COL24A1: variants seen among roughly 807,000 people sequenced by gnomAD.
COL24A1 encodes the protein collagen alpha-1(XXIV) chain.
Under a neutral mutation model 253.9 loss-of-function variants are expected in COL24A1, and 224 were observed. The observed-to-expected ratio is 0.88, with a 90% CI of 0.79 to 0.99. The LOEUF is 0.99. Among genes scored for constraint, COL24A1 ranks in the 50% least tolerant of loss-of-function variants. The pLI is 0.00. For synonymous variants in COL24A1, 685 were observed against 673.7 expected, an observed-to-expected ratio of 1.02 and a Z score of -0.26; for missense variants, 2,131 against 2,068.5, an observed-to-expected ratio of 1.03 and a Z score of -0.59.
chr1:85,971,066 C>T (rs894350756), intron 21 of COL24A1, among the ~76,000 whole-genome samples: 4 of 151,978 alleles, frequency 2.6e-5, no homozygotes, highest in African/African-American at 9.7e-5. Flanking sequence ...CAAAAATTAG[C>T]CAGGCATGGT....
intron 59 of COL24A1, among the ~76,000 whole-genome samples, chr1:85,731,798 A>G (rs1663502578): frequency 6.6e-6 from 1 of 152,224 alleles, no homozygotes; most frequent in African/African-American, 2.4e-5. Context: ...TAAATTCCAC[A>G]TTTCTAACTA....
chr1:86,054,723 A>G (rs1457539682), intron 10 of COL24A1, among the ~76,000 whole-genome samples: 4 of 152,188 alleles, frequency 2.6e-5, no homozygotes, highest in African/African-American at 9.6e-5. Context: ...CCCTGTGGAA[A>G]GAAGTTTGGA....
intron 5 of COL24A1, among the ~76,000 whole-genome samples, chr1:86,110,986 C>T (rs879855098): frequency 6.6e-6 from 1 of 152,236 alleles, no homozygotes; most frequent in African/African-American, 2.4e-5. Flanking sequence ...GCATGACATC[C>T]GCTAGGGGAA....
chr1:85,828,826 T>G (rs1183298500), intron 43 of COL24A1, among the ~76,000 whole-genome samples: 1 of 146,230 alleles, frequency 6.8e-6, no homozygotes, highest in Non-Finnish European at 1.5e-5. Context: ...TCTCTGCACA[T>G]GAGATGGGTT....
At chr1:86,099,088 G>T (rs1012760077) in intron 5 of COL24A1, among the ~76,000 whole-genome samples, 1 of 152,056 alleles carries the variant, frequency 6.6e-6, no homozygotes, top group East Asian at 1.9e-4. Context: ...ATTTTAAAAG[G>T]TTAAATTCCA....
chr1:86,109,787 A>G (rs1160657426), intron 5 of COL24A1, among the ~76,000 whole-genome samples: 2 of 152,192 alleles, frequency 1.3e-5, no homozygotes, highest in Non-Finnish European at 2.9e-5. Flanking sequence ...TTCTTAATGC[A>G]ATAGACTGAA....
intron 43 of COL24A1, among the ~76,000 whole-genome samples, chr1:85,830,700 C>T (rs780873651): frequency 5.3e-5 from 8 of 152,174 alleles, no homozygotes; most frequent in East Asian, 1.9e-4. Context: ...TGCCATCTGT[C>T]ACCTCTTTCT....
At chr1:85,783,103 T>A (rs931130615) in intron 51 of COL24A1, among the ~76,000 whole-genome samples, 2 of 152,176 alleles carry the variant, frequency 1.3e-5, no homozygotes, top group African/African-American at 4.8e-5. Context: ...GGAAATATTT[T>A]CAGTCTGGTC....
intron 45 of COL24A1, among the ~76,000 whole-genome samples, chr1:85,822,054 T>C (rs1250086947): frequency 6.6e-6 from 1 of 152,208 alleles, no homozygotes; most frequent in South Asian, 2.1e-4. Flanking sequence ...TTTTCCAATT[T>C]GAGTATTAAA....
chr1:85,858,690 T>TCCTTCCTTCCTTCCTTC (rs1167077915), intron 37 of COL24A1, among the ~76,000 whole-genome samples: 2 of 135,002 alleles, frequency 1.5e-5, no homozygotes, highest in African/African-American at 2.7e-5. Context: ...CCTCCGTCCT[T>TCCTTCCTTCCTTCCTTC]CTTCCCTCCC....
chr1:85,910,623 C>T (rs1685274045), intron 25 of COL24A1, among the ~76,000 whole-genome samples: 1 of 151,886 alleles, frequency 6.6e-6, no homozygotes. Flanking sequence ...TTTTTAACTG[C>T]ACTCATTTTG....
intron 32 of COL24A1, among the ~76,000 whole-genome samples, chr1:85,879,942 C>T (rs1305231775): frequency 2.0e-5 from 3 of 152,172 alleles, no homozygotes; most frequent in Non-Finnish European, 4.4e-5. Context: ...TGTAGTTTTA[C>T]AGTAAATCTT....
At chr1:85,926,357 T>C (rs1267939219) in intron 24 of COL24A1, among the ~76,000 whole-genome samples, 1 of 152,208 alleles carries the variant, frequency 6.6e-6, no homozygotes, top group African/African-American at 2.4e-5. Flanking sequence ...GTCATGCTAC[T>C]ATAAAGACAC....
intron 5 of COL24A1, among the ~76,000 whole-genome samples, chr1:86,109,843 T>C (rs948693653): frequency 6.6e-6 from 1 of 152,236 alleles, no homozygotes; most frequent in Non-Finnish European, 1.5e-5. Context: ...ATCCTCAGTG[T>C]AATGATAAGT....
At chr1:85,829,599 T>G (rs1220531336) in intron 43 of COL24A1, among the ~76,000 whole-genome samples, 1 of 152,016 alleles carries the variant, frequency 6.6e-6, no homozygotes, top group Non-Finnish European at 1.5e-5. Context: ...TAGCCCCATA[T>G]TTCTTGGAGG....
chr1:86,039,839 G>A (rs1411795221), intron 12 of COL24A1, among the ~76,000 whole-genome samples: 2 of 152,128 alleles, frequency 1.3e-5, no homozygotes, highest in Admixed American at 6.6e-5. Context: ...ACAGGAAGAG[G>A]CTGGAGTGTG....
Position 86,050,182 on chromosome 1 carries a change from A to C in COL24A1, c.1852-5T>G, listed in dbSNP as rs763391698. ...TCCAGGAGAGCCAATAAAACCCTTA[A>C]AACAAGAAAATAGTCTGTATATTAG... On this transcript the variant is annotated splice_polypyrimidine_tract_variant and splice_region_variant and intron_variant, in intron 10 of 59. Coordinates refer to ENST00000370571, the MANE Select transcript of COL24A1 (RefSeq NM_152890.7). The C allele has an allele frequency of 3.5e-5, 56 of 1,612,606 alleles. No individual in the cohort carries two copies. The highest frequency in any genetic ancestry group is 7.6e-6 in the Non-Finnish European group (9 of 1,178,842).
chr1:85,797,437 A>G (rs897007849), intron 47 of COL24A1, among the ~76,000 whole-genome samples: 1 of 152,178 alleles, frequency 6.6e-6, no homozygotes, highest in African/African-American at 2.4e-5. Context: ...GTTAAGTCCT[A>G]AAAGATCACC....
At chr1:85,963,116 G>A (rs896349632) in intron 23 of COL24A1, among the ~76,000 whole-genome samples, 2 of 151,960 alleles carry the variant, frequency 1.3e-5, no homozygotes, top group African/African-American at 4.8e-5. Context: ...TGCAGTTCAT[G>A]TTGCATTTCT....
Sources: gnomAD v4.1 joint callset for allele counts (sites outside exome capture counted in the v4.1 genomes callset) on GRCh38, gnomAD v4.1.1 for gene constraint, MANE v1.5 for transcripts, NCBI Gene and HGNC (gene_info 2026-07-23, HGNC 2026-07-21) for gene names.